GOLPH3L: variants seen among roughly 807,000 people sequenced by gnomAD.
GOLPH3L encodes golgi phosphoprotein 3 like, also known as Golgi phosphoprotein 3-like.
A neutral mutation model predicts 30.3 loss-of-function variants in GOLPH3L; 22 were observed. That is an observed-to-expected ratio of 0.73 (90% CI 0.52 to 1.04). The LOEUF (loss-of-function observed/expected upper bound fraction) is 1.04. GOLPH3L is among the 50% of genes least tolerant of loss of function. The pLI is 0.00. For synonymous variants in GOLPH3L, 120 were observed against 128.2 expected, an observed-to-expected ratio of 0.94 and a Z score of 0.43; for missense variants, 303 against 345.8, an observed-to-expected ratio of 0.88 and a Z score of 0.98.
At chr1:150,672,358 T>C (rs906841114) in intron 2 of GOLPH3L, among the ~76,000 whole-genome samples, 6 of 152,210 alleles carry the variant, frequency 3.9e-5, no homozygotes, top group Non-Finnish European at 7.3e-5. Context: ...AATTCCTCTT[T>C]TACAAATTAA....
chr1:150,658,971 C>T (rs986739733), intron 4 of GOLPH3L, among the ~76,000 whole-genome samples: 2 of 152,210 alleles, frequency 1.3e-5, no homozygotes. Flanking sequence ...ATATTTAAAG[C>T]ATCCCAGGCA....
chr1:150,653,106 G>GA (rs1349784180), intron 4 of GOLPH3L, among the ~76,000 whole-genome samples: 2 of 133,350 alleles, frequency 1.5e-5, no homozygotes, highest in African/African-American at 2.8e-5. Flanking sequence ...GTAACATAGT[G>GA]AAACTTTGTC....
chr1:150,683,895 A>G (rs186819935), intron 2 of GOLPH3L, among the ~76,000 whole-genome samples: 44 of 152,180 alleles, frequency 2.9e-4, no homozygotes, highest in Admixed American at 1.1e-3. Context: ...AACCTTTCTA[A>G]ATCATTGTTA....
chr1:150,694,918 G>T, intron 1 of GOLPH3L, 68 bp from the exon 2 acceptor site: 1 of 786,702 alleles, frequency 1.3e-6, no homozygotes, highest in Non-Finnish European at 2.1e-6. Flanking sequence ...ATTCATACAT[G>T]CATACTAAAC....
intron 2 of GOLPH3L, 31 bp downstream of exon 2, chr1:150,694,625 T>C: frequency 1.5e-6 from 2 of 1,373,000 alleles, no homozygotes; most frequent in Non-Finnish European, 2.0e-6. Flanking sequence ...TAATAGTCTT[T>C]GAGATAGCCT....
At chr1:150,659,936 G>C (rs1285771871) in intron 4 of GOLPH3L, among the ~76,000 whole-genome samples, 3 of 152,082 alleles carry the variant, frequency 2.0e-5, no homozygotes, top group African/African-American at 7.3e-5. Flanking sequence ...TTGGGAGGCT[G>C]AGGTGGGAGG....
chr1:150,653,298 ATT>A (rs750465136), intron 4 of GOLPH3L, among the ~76,000 whole-genome samples: 40 of 137,284 alleles, frequency 2.9e-4, no homozygotes, highest in East Asian at 4.2e-4. Context: ...TTTTTTTTTT[ATT>A]TTTTTTTTTT....
chr1:150,662,053 T>C (rs1450241110), intron 3 of GOLPH3L, 125 bp from the exon 4 acceptor site: 21 of 627,882 alleles, frequency 3.3e-5, no homozygotes, highest in Non-Finnish European at 2.9e-6. Context: ...TAATATACTG[T>C]CTCTGTCCTC....
intron 2 of GOLPH3L, among the ~76,000 whole-genome samples, chr1:150,679,785 G>A (rs1218058501): frequency 6.6e-6 from 1 of 152,138 alleles, no homozygotes; most frequent in African/African-American, 2.4e-5. Context: ...GGACGACAGA[G>A]TGGAGACTGT....
At chr1:150,682,810 C>G (rs1373297155) in intron 2 of GOLPH3L, among the ~76,000 whole-genome samples, 1 of 151,652 alleles carries the variant, frequency 6.6e-6, no homozygotes, top group Non-Finnish European at 1.5e-5. Context: ...AACCTCAAAC[C>G]CTTTGATTCA....
At chr1:150,662,719 A>G (rs754266300) in intron 3 of GOLPH3L, among the ~76,000 whole-genome samples, 7 of 152,228 alleles carry the variant, frequency 4.6e-5, no homozygotes, top group Non-Finnish European at 8.8e-5. Flanking sequence ...AGAGAATAAG[A>G]TAATAACAAA....
chr1:150,683,302 C>T (rs1161145530), intron 2 of GOLPH3L, among the ~76,000 whole-genome samples: 2 of 151,868 alleles, frequency 1.3e-5, no homozygotes, highest in Non-Finnish European at 2.9e-5. Flanking sequence ...TTTGGAAGGC[C>T]GAGGCGGGCG....
At chr1:150,653,599 T>G (rs587602280) in intron 4 of GOLPH3L, among the ~76,000 whole-genome samples, 1 of 151,676 alleles carries the variant, frequency 6.6e-6, no homozygotes, top group Non-Finnish European at 1.5e-5. Context: ...TAGCTGGGAC[T>G]ATAGGCATGT....
At chr1:150,661,031 A>C (rs1650356014) in intron 4 of GOLPH3L, among the ~76,000 whole-genome samples, 1 of 152,144 alleles carries the variant, frequency 6.6e-6, no homozygotes, top group African/African-American at 2.4e-5. Context: ...AGTTCGAGAC[A>C]AGCCTGGCCA....
chr1:150,665,800 C>G (rs972132988), intron 2 of GOLPH3L, among the ~76,000 whole-genome samples: 1 of 152,112 alleles, frequency 6.6e-6, no homozygotes, highest in Non-Finnish European at 1.5e-5. Context: ...GACTTCCTTT[C>G]TGGCACCATT....
chr1:150,661,431 C>T (rs957567632), intron 4 of GOLPH3L, among the ~76,000 whole-genome samples: 1 of 152,140 alleles, frequency 6.6e-6, no homozygotes, highest in African/African-American at 2.4e-5. Context: ...AAAGATTCAT[C>T]AACTGATGAC....
At chr1:150,680,879 T>C (rs1650933198) in intron 2 of GOLPH3L, among the ~76,000 whole-genome samples, 1 of 152,214 alleles carries the variant, frequency 6.6e-6, no homozygotes. Context: ...CTGGGCGCAG[T>C]GGCTCATGCC....
chr1:150,673,335 G>A (rs187871838), intron 2 of GOLPH3L, among the ~76,000 whole-genome samples: 4 of 152,110 alleles, frequency 2.6e-5, no homozygotes, highest in South Asian at 2.1e-4. Flanking sequence ...AAGCCGAGGC[G>A]GGCGGATCAC....
At chr1:150,680,713 A>G (rs1171541760) in intron 2 of GOLPH3L, among the ~76,000 whole-genome samples, 1 of 152,214 alleles carries the variant, frequency 6.6e-6, no homozygotes, top group Non-Finnish European at 1.5e-5. Context: ...TATGCCCAGC[A>G]TTCAACTAAG....
Sources: gnomAD v4.1 joint callset for allele counts (sites outside exome capture counted in the v4.1 genomes callset) on GRCh38, gnomAD v4.1.1 for gene constraint, MANE v1.5 for transcripts, NCBI Gene and HGNC (gene_info 2026-07-23, HGNC 2026-07-21) for gene names.